GPHN: variants seen among roughly 807,000 people sequenced by gnomAD.
GPHN encodes the protein gephyrin.
Under a neutral mutation model 95.5 loss-of-function variants are expected in GPHN, and 17 were observed. The observed-to-expected ratio is 0.18, with a 90% CI of 0.12 to 0.27. The LOEUF (loss-of-function observed/expected upper bound fraction) is 0.27, where lower values mean the gene tolerates loss of function less well. Among genes scored for constraint, GPHN ranks in the 10% least tolerant of loss-of-function variants. The pLI is 1.00. For synonymous variants in GPHN, 320 were observed against 322.5 expected (o/e 0.99, Z 0.08); for missense variants, 660 against 978.1 (o/e 0.67, Z 4.34).
intron 17 of GPHN, among the ~76,000 whole-genome samples, chr14:67,142,034 C>T (rs1355713056): frequency 5.9e-5 from 9 of 152,132 alleles, no homozygotes; most frequent in Non-Finnish European, 1.2e-4. Flanking sequence ...ACAAGGTTAT[C>T]TCATAGAACC....
the GPHN span, among the ~76,000 whole-genome samples, chr14:67,327,148 C>G: frequency 6.6e-6 from 1 of 152,016 alleles, no homozygotes; most frequent in Non-Finnish European, 1.5e-5. Flanking sequence ...GCACTCCTGC[C>G]TGGGCAACAG....
intron 1 of GPHN, among the ~76,000 whole-genome samples, chr14:66,670,287 G>A (rs537377588): frequency 6.6e-6 from 1 of 152,274 alleles, no homozygotes; most frequent in Admixed American, 6.5e-5. Context: ...TGTGGGGTTG[G>A]TTGAAGATGT....
intron 8 of GPHN, among the ~76,000 whole-genome samples, chr14:66,933,482 GA>G (rs1457891842): frequency 6.6e-6 from 1 of 152,132 alleles, no homozygotes; most frequent in Non-Finnish European, 1.5e-5. Context: ...CTATTAGAAA[GA>G]AAAATTACAA....
At chr14:66,666,808 A>T (rs562842073) in intron 1 of GPHN, among the ~76,000 whole-genome samples, 151 of 152,342 alleles carry the variant, frequency 9.9e-4, no homozygotes, top group Non-Finnish European at 1.9e-3. Flanking sequence ...AAAGAATGAA[A>T]TAAAGGGCAT....
intron 9 of GPHN, among the ~76,000 whole-genome samples, chr14:66,996,958 T>TTTG (rs2071848970): frequency 6.6e-6 from 1 of 152,206 alleles, no homozygotes; most frequent in African/African-American, 2.4e-5. Context: ...AAAGCAGATT[T>TTTG]ATTGAAATAT....
chr14:67,571,954 T>A, the GPHN span: 1 of 1,553,772 alleles, frequency 6.4e-7, no homozygotes, highest in Non-Finnish European at 8.7e-7. Flanking sequence ...GCCCCTCACC[T>A]CTTCCCATGG....
At chr14:67,471,755 C>A in the GPHN span, 47,259 of 152,238 alleles carry the variant, frequency 0.31, 8,030 homozygotes, top group African/African-American at 0.45. Flanking sequence ...CCCCACCACA[C>A]CCTGCACCCC....
At position 67,168,937 on chromosome 14, in the gene GPHN, T is replaced by C. The variant is rs1391030340; in HGVS notation, c.1980T>C (p.Asn660=). ...AACTGCTTGGTTGACTTTCAGGGAATCCTGTATCGGCTGTGGTCACCTGCA... is the reference window on the plus strand; with the variant it reads ...AACTGCTTGGTTGACTTTCAGGGAACCCTGTATCGGCTGTGGTCACCTGCA... ...VRKIIFALPG[N]PVSAVVTCNL... is the part of the protein sequence containing the mutation. Residue 660 remains asparagine (N), a synonymous_variant, in exon 21 of 23, where the codon AAT becomes AAC. Coordinates refer to ENST00000478722, the MANE Select transcript of GPHN (RefSeq NM_020806.5). 6.2e-7 allele frequency: 1 copy of C among 1,601,996 alleles called. No individual in the cohort carries two copies. The highest frequency in any genetic ancestry group is 1.1e-5 in the South Asian group (1 of 90,836).
intron 9 of GPHN, among the ~76,000 whole-genome samples, chr14:66,997,078 A>G (rs893926082): frequency 2.0e-5 from 3 of 152,104 alleles, no homozygotes; most frequent in Non-Finnish European, 4.4e-5. Context: ...AAATAAAAGA[A>G]CTTCAGGCCA....
chr14:67,662,189 A>AC, the GPHN span, among the ~76,000 whole-genome samples: 1 of 152,064 alleles, frequency 6.6e-6, no homozygotes, highest in South Asian at 2.1e-4. Context: ...CAAAAAAAAA[A>AC]ACAACAGATT....
intron 8 of GPHN, among the ~76,000 whole-genome samples, chr14:66,958,082 T>C (rs533664377): frequency 5.9e-5 from 9 of 152,352 alleles, no homozygotes; most frequent in African/African-American, 2.2e-4. Flanking sequence ...TAACTAGTTA[T>C]TCTAACTATT....
chr14:66,605,719 A>T (rs965073202), intron 1 of GPHN, among the ~76,000 whole-genome samples: 3 of 151,832 alleles, frequency 2.0e-5, no homozygotes, highest in Non-Finnish European at 4.4e-5. Context: ...TGTTTAGTAG[A>T]GACGGGGTTT....
chr14:66,811,274 G>T (rs1372233639), intron 3 of GPHN, among the ~76,000 whole-genome samples: 1 of 151,938 alleles, frequency 6.6e-6, no homozygotes, highest in Non-Finnish European at 1.5e-5. Flanking sequence ...AAACCTGAAC[G>T]TGCACTCCTG....
intron 4 of GPHN, among the ~76,000 whole-genome samples, chr14:66,878,658 CAAT>C (rs2063784281): frequency 6.6e-6 from 1 of 152,116 alleles, no homozygotes; most frequent in African/African-American, 2.4e-5. Context: ...TCAAAAACCA[CAAT>C]GAGATACCAT....
the GPHN span, among the ~76,000 whole-genome samples, chr14:67,546,477 C>T: frequency 6.6e-6 from 1 of 152,064 alleles, no homozygotes; most frequent in African/African-American, 2.4e-5. Context: ...TGCAACCTCC[C>T]CATCCTGGGT....
chr14:67,218,767 G>A, the GPHN span, among the ~76,000 whole-genome samples: 1 of 151,988 alleles, frequency 6.6e-6, no homozygotes, highest in South Asian at 2.1e-4. Flanking sequence ...AAGCTGTTTA[G>A]AGGTTCAGGG....
At chr14:67,189,424 C>A in the GPHN span, 1 of 152,200 alleles carries the variant, frequency 6.6e-6, no homozygotes, top group African/African-American at 2.4e-5. Flanking sequence ...GCCTGTGCTT[C>A]TTTTACTAAG....
the GPHN span, chr14:67,393,153 G>C: frequency 5.0e-6 from 8 of 1,609,602 alleles, no homozygotes; most frequent in Admixed American, 1.2e-4. Context: ...GGCTCACCGA[G>C]GAAGGTCTTT....
At chr14:67,557,196 A>T in the GPHN span, 1 of 1,320,710 alleles carries the variant, frequency 7.6e-7, no homozygotes, top group South Asian at 1.3e-5. Flanking sequence ...ACGGTGTCCC[A>T]TCCCACGTTA....
Sources: gnomAD v4.1 joint callset for allele counts (sites outside exome capture counted in the v4.1 genomes callset) on GRCh38, gnomAD v4.1.1 for gene constraint, MANE v1.5 for transcripts, NCBI Gene and HGNC (gene_info 2026-07-23, HGNC 2026-07-21) for gene names.